TBC1D32: variants seen among roughly 807,000 people sequenced by gnomAD.
TBC1D32 encodes the protein TBC1 domain family member 32.
In TBC1D32, 151 loss-of-function variants were observed where a neutral mutation model predicts 170.3. The ratio of observed to expected loss-of-function variants is 0.89; its 90% CI spans 0.78 to 1.01. The LOEUF is 1.01. Ranked by LOEUF, TBC1D32 falls within the 50% of genes least tolerant of loss-of-function variation. The pLI, the probability that TBC1D32 is intolerant of heterozygous loss-of-function variation, is 0.00. For synonymous variants in TBC1D32, 498 were observed against 488.0 expected (o/e 1.02, Z -0.27); for missense variants, 1,464 against 1,457.1 (o/e 1.00, Z -0.08).
At chr6:121,285,536 A>G (rs1414869747) in intron 12 of TBC1D32, among the ~76,000 whole-genome samples, 1 of 152,152 alleles carries the variant, frequency 6.6e-6, no homozygotes, top group Non-Finnish European at 1.5e-5. Context: ...CGAGGGGTGG[A>G]GCCAAGATGG....
chr6:121,181,828 C>G (rs1273767), intron 22 of TBC1D32, among the ~76,000 whole-genome samples: 150,394 of 152,212 alleles, frequency 0.99, 74,331 homozygotes, highest in East Asian at 1. Context: ...GCAACAACAT[C>G]GATGGAACTG....
chr6:121,224,631 TTATAA>T (rs1794866361), intron 20 of TBC1D32, among the ~76,000 whole-genome samples: 1 of 152,098 alleles, frequency 6.6e-6, no homozygotes, highest in Non-Finnish European at 1.5e-5. Context: ...TCATTAGAAA[TTATAA>T]TATAATCTTC....
intron 21 of TBC1D32, among the ~76,000 whole-genome samples, chr6:121,220,638 T>TCC (rs1319202222): frequency 7.4e-6 from 1 of 135,850 alleles, no homozygotes; most frequent in African/African-American, 3.2e-5. Flanking sequence ...ATTTTTCTTT[T>TCC]TCTTTTTTTT....
rs1048389932 is a variant in TBC1D32 at position 121,131,738 on chromosome 6, T to G, written c.2788A>C (p.Lys930Gln). ...AGIKQDNDLDKLLLCLKISDK... is the reference protein window; with the variant it reads ...AGIKQDNDLDQLLLCLKISDK... Reference sequence around the variant, plus strand: ...GATATTTTGAGGCATAATAAAAGCTTGTCAAGATCATTGTCTAATCAGAAA... The same window carrying G: ...GATATTTTGAGGCATAATAAAAGCTGGTCAAGATCATTGTCTAATCAGAAA... The change falls in exon 25 of 32, where the codon AAG becomes CAG. Residue 930 changes from lysine to glutamine, a missense_variant. Coordinates refer to ENST00000398212, the MANE Select transcript of TBC1D32 (RefSeq NM_152730.6). 1.9e-6 allele frequency: 3 copies of G among 1,596,078 alleles called. No individual in the cohort carries two copies. The African/African-American group carries it at 4.0e-5, about 21-fold the overall frequency.
At chr6:121,314,746 T>C (rs1015455634) in intron 3 of TBC1D32, among the ~76,000 whole-genome samples, 1 of 152,086 alleles carries the variant, frequency 6.6e-6, no homozygotes, top group Non-Finnish European at 1.5e-5. Context: ...TCAGAGGTAA[T>C]CCTCTAATTT....
chr6:121,140,393 G>A (rs1459601684), intron 24 of TBC1D32, among the ~76,000 whole-genome samples: 1 of 151,044 alleles, frequency 6.6e-6, no homozygotes, highest in Non-Finnish European at 1.5e-5. Flanking sequence ...ACTTTAAAAT[G>A]ATCTGTTTTC....
intron 12 of TBC1D32, among the ~76,000 whole-genome samples, chr6:121,288,927 G>T (rs1205647033): frequency 1.3e-5 from 2 of 152,160 alleles, no homozygotes; most frequent in Non-Finnish European, 2.9e-5. Context: ...AATAGATGCA[G>T]AAAAGGCCTT....
intron 26 of TBC1D32, among the ~76,000 whole-genome samples, chr6:121,123,671 C>G (rs1467976660): frequency 6.6e-6 from 1 of 151,870 alleles, no homozygotes; most frequent in Non-Finnish European, 1.5e-5. Flanking sequence ...TAGTTAGGTC[C>G]TGTTTTGATA....
intron 15 of TBC1D32, among the ~76,000 whole-genome samples, chr6:121,256,887 GTCTCGAACTCC>G (rs1799094873): frequency 6.6e-6 from 1 of 151,936 alleles, no homozygotes; most frequent in Non-Finnish European, 1.5e-5. Context: ...GGCCAGACTG[GTCTCGAACTCC>G]TGACCTCAGG....
chr6:121,198,624 G>A (rs1005528696), intron 22 of TBC1D32, among the ~76,000 whole-genome samples: 17 of 150,822 alleles, frequency 1.1e-4, no homozygotes, highest in South Asian at 4.2e-4. Flanking sequence ...GGTGGCAGGC[G>A]CCTGTAGTCC....
intron 26 of TBC1D32, among the ~76,000 whole-genome samples, chr6:121,125,530 C>T (rs922722666): frequency 2.0e-5 from 3 of 151,856 alleles, no homozygotes; most frequent in African/African-American, 7.3e-5. Flanking sequence ...CAGGTCTCTG[C>T]ACAAGTGGGG....
intron 20 of TBC1D32, among the ~76,000 whole-genome samples, chr6:121,227,758 G>A (rs1041081562): frequency 3.6e-4 from 55 of 151,986 alleles, no homozygotes; most frequent in Admixed American, 3.6e-3. Context: ...TCAGGCTATA[G>A]AGCTATAATT....
Position 121,299,454 on chromosome 6 carries a change from T to C in TBC1D32, c.1132A>G (p.Lys378Glu). The C allele has an allele frequency of 6.6e-7, 1 of 1,505,804 alleles. No individual in the cohort carries two copies. Among genetic ancestry groups the C allele is most frequent in the African/African-American group, 1.4e-5 (1 of 73,236 alleles). The allele number at this position is 1,505,804 out of a possible 1,614,324, so 93.3% of individuals were successfully genotyped here. A position where few individuals can be genotyped will look rare whatever the true frequency, so the allele number is the denominator to read the frequency against. ...TVLRLLETKY[K>E]SLVTTAIQQC... ...CAGAATTACAGACTTACCAGAGACT[T>C]ATATTTCGTTTCAAGAAGTCTTAAT... Residue 378 changes from lysine (K) to glutamate (E), a missense_variant, in exon 10 of 32, where the codon AAG becomes GAG. Coordinates refer to ENST00000398212, the MANE Select transcript of TBC1D32 (RefSeq NM_152730.6).
chr6:121,142,605 C>T (rs1327756070), intron 24 of TBC1D32, among the ~76,000 whole-genome samples: 1 of 152,070 alleles, frequency 6.6e-6, no homozygotes. Context: ...ATAAGAACAA[C>T]AAACATCTCA....
At chr6:121,101,928 T>C (rs982276271) in intron 30 of TBC1D32, among the ~76,000 whole-genome samples, 2 of 152,106 alleles carry the variant, frequency 1.3e-5, no homozygotes, top group African/African-American at 4.8e-5. Flanking sequence ...ATCACAAGCA[T>C]TCTTATACAC....
chr6:121,222,627 T>C (rs1191759369), intron 21 of TBC1D32, among the ~76,000 whole-genome samples: 1 of 151,992 alleles, frequency 6.6e-6, no homozygotes, highest in Non-Finnish European at 1.5e-5. Context: ...TGAAAAAGAA[T>C]GATCAATAAT....
chr6:121,310,977 T>A (rs532939867), intron 3 of TBC1D32, 130 bp from the exon 4 acceptor site: 7 of 635,962 alleles, frequency 1.1e-5, no homozygotes, highest in South Asian at 1.0e-4. Context: ...TCTATTTTGA[T>A]TTGGCAGCAA....
chr6:121,186,408 C>A (rs774486029), intron 22 of TBC1D32, among the ~76,000 whole-genome samples: 3 of 151,754 alleles, frequency 2.0e-5, no homozygotes, highest in South Asian at 4.2e-4. Flanking sequence ...GGCTCAAGAA[C>A]CTCAATAACA....
At chr6:121,325,352 C>T (rs900553345) in intron 1 of TBC1D32, among the ~76,000 whole-genome samples, 1 of 138,060 alleles carries the variant, frequency 7.2e-6, no homozygotes, top group East Asian at 2.2e-4. Context: ...AAGCTGGAGG[C>T]ATCACGCTAC....
Sources: allele counts gnomAD v4.1 joint callset (sites outside exome capture counted in the v4.1 genomes callset), GRCh38; gene constraint gnomAD v4.1.1; transcripts MANE v1.5; gene names NCBI Gene and HGNC (gene_info 2026-07-23, HGNC 2026-07-21).